The following KMT5A variants were observed in gnomAD, a reference collection of about 807,000 sequenced individuals.
The protein encoded by KMT5A is lysine methyltransferase 5A.
Under a neutral mutation model 40.6 loss-of-function variants are expected in KMT5A, and 6 were observed. The ratio of observed to expected loss-of-function variants is 0.15; its 90% CI spans 0.08 to 0.29. The LOEUF (loss-of-function observed/expected upper bound fraction) is 0.29, where lower values mean the gene tolerates loss of function less well. KMT5A is among the 10% of genes least tolerant of loss of function. KMT5A has a pLI of 1.00. For missense variants in KMT5A, 308 were observed against 459.1 expected (o/e 0.67, Z 3.01); for synonymous variants, 153 against 178.8 (o/e 0.86, Z 1.15).
chr12:123,402,180 C>A lies in KMT5A; in HGVS notation c.598-1393C>A, dbSNP rs545076056. 2.0e-5 allele frequency among the ~76,000 whole-genome samples: 3 copies of A among 152,318 alleles called. No homozygotes were observed. The South Asian group carries it at 6.2e-4, about 32-fold the overall frequency. On this transcript the variant is annotated intron_variant, in intron 5 of 7. Transcript: ENST00000402868. ...TACAGGAGAGAGCCACTGCCCCTGG[C>A]CTCATTTACATTTTAAAAGACCCCT...
chr12:123,396,268 G>A, intron 4 of KMT5A, 77 bp from the exon 5 acceptor site: 2 of 1,366,336 alleles, frequency 1.5e-6, no homozygotes, highest in Non-Finnish European at 2.1e-6. Flanking sequence ...CCTCCTCGGT[G>A]TGTGCCTTCT....
chr12:123,407,006 G>A (rs182062264), intron 7 of KMT5A, among the ~76,000 whole-genome samples: 268 of 101,490 alleles, frequency 2.6e-3, no homozygotes, highest in Middle Eastern at 9.8e-3. Context: ...ACAGAGCGAC[G>A]AGACTCCCTC....
Position 123,384,258 on chromosome 12 carries a change from T to TGGAGGGGTTGCCGGGGTGGAG in KMT5A, c.10+52_10+72dup, listed in dbSNP as rs1233554164. On this transcript the variant is annotated intron_variant, in intron 1 of 7. Transcript: ENST00000402868. This position sits in a 1 kb window ranked among gnomAD's most constrained non-coding sequence, Gnocchi z 5.7. ...GGAGCGGCTGGGTCGGGGGTCGTGC[T>TGGAGGGGTTGCCGGGGTGGAG]GGAGGGGTTGCCGGGGTGGAGGCAG... 2 of 1,606,504 alleles carry TGGAGGGGTTGCCGGGGTGGAG rather than the reference T, an allele frequency of 1.2e-6. No individual in the cohort carries two copies. The highest frequency in any genetic ancestry group is 2.7e-5 in the African/African-American group (2 of 74,692).
intron 5 of KMT5A, among the ~76,000 whole-genome samples, chr12:123,397,915 C>T (rs147935170): frequency 0.032 from 4,842 of 151,252 alleles, 132 homozygotes; most frequent in Non-Finnish European, 0.051. Flanking sequence ...TCGGGTGATC[C>T]GCCCACCTCA....
chr12:123,407,342 AG>A, intron 7 of KMT5A, 150 bp from the exon 8 acceptor site: 1 of 829,020 alleles, frequency 1.2e-6, no homozygotes, highest in Non-Finnish European at 1.9e-6. Context: ...CCCTCTAAAA[AG>A]GAAAAAGAAA....
chr12:123,396,530 C>A, intron 5 of KMT5A, 98 bp downstream of exon 5: 1 of 1,158,146 alleles, frequency 8.6e-7, no homozygotes, highest in Non-Finnish European at 1.3e-6. Flanking sequence ...GCCTTGTTTT[C>A]GTCATCTTGG....
rs764854788 is a variant in KMT5A at position 123,395,130 on chromosome 12, G to C, written c.373G>C (p.Val125Leu). The C allele has an allele frequency of 6.2e-7, 1 of 1,607,726 alleles. No individual in the cohort carries two copies. Among genetic ancestry groups the C allele is most frequent in the Non-Finnish European group, 8.5e-7 (1 of 1,176,976 alleles). ...KIKDARKGPL[V>L]PFPNQKSEAA... ...CAAAGACGCCAGGAAAGGTCCCCTGGTACCTTTTCCAAACCAAAAATCTGA... is the reference window on the plus strand; with the variant it reads ...CAAAGACGCCAGGAAAGGTCCCCTGCTACCTTTTCCAAACCAAAAATCTGA... Residue 125 changes from valine to leucine, a missense_variant, in exon 4 of 8, where the codon GTA becomes CTA. Around this residue, in one of 4 missense-constraint regions of KMT5A, gnomAD observed 127 missense variants for 129.8 expected, o/e 0.98. Transcript: ENST00000402868.
At chr12:123,404,331 G>A (rs114613486) in intron 6 of KMT5A, among the ~76,000 whole-genome samples, 60 of 152,218 alleles carry the variant, frequency 3.9e-4, no homozygotes, top group African/African-American at 1.3e-3. Context: ...GGGGGATTCC[G>A]GCTTAAGTCC....
intron 1 of KMT5A, among the ~76,000 whole-genome samples, chr12:123,386,509 C>G (rs1210384057): frequency 6.6e-6 from 1 of 152,166 alleles, no homozygotes; most frequent in Non-Finnish European, 1.5e-5. Context: ...AGCCACCACG[C>G]CTGGCCAATA....
At chr12:123,388,299 C>A (rs963429103) in intron 1 of KMT5A, 1 of 152,278 alleles carries the variant, frequency 6.6e-6, no homozygotes. Context: ...AGAACTTGGC[C>A]AAGCTCCTCA....
intron 3 of KMT5A, 136 bp downstream of exon 3, chr12:123,390,922 TTGC>T (rs1215391733): frequency 1.0e-5 from 11 of 1,068,830 alleles, no homozygotes; most frequent in Non-Finnish European, 1.3e-5. Flanking sequence ...ATGTTCTGTC[TTGC>T]TGCTGAAAGA....
chr12:123,403,096 G>T (rs1593473160), intron 5 of KMT5A, among the ~76,000 whole-genome samples: 1 of 152,198 alleles, frequency 6.6e-6, no homozygotes, highest in East Asian at 1.9e-4. Context: ...AATAGAGACA[G>T]GGTTTTACCT....
chr12:123,406,568 C>A (rs1303841886), intron 7 of KMT5A, among the ~76,000 whole-genome samples: 2 of 152,142 alleles, frequency 1.3e-5, no homozygotes, highest in African/African-American at 2.4e-5. Flanking sequence ...CCCGCCTCAG[C>A]CTCCGAAAGT....
intron 2 of KMT5A, 123 bp downstream of exon 2, chr12:123,389,677 G>C: frequency 1.4e-6 from 1 of 691,630 alleles, no homozygotes; most frequent in African/African-American, 1.9e-5. Flanking sequence ...CTGCCGCCTG[G>C]CTGGGAGTGG....
At chr12:123,387,096 A>G (rs1385694459) in intron 1 of KMT5A, among the ~76,000 whole-genome samples, 1 of 152,110 alleles carries the variant, frequency 6.6e-6, no homozygotes, top group Non-Finnish European at 1.5e-5. Flanking sequence ...ATTTCAGGTG[A>G]TTTGCCCTCC....
At chr12:123,388,136 G>A (rs1876982493) in intron 1 of KMT5A, among the ~76,000 whole-genome samples, 1 of 152,194 alleles carries the variant, frequency 6.6e-6, no homozygotes, top group African/African-American at 2.4e-5. Context: ...TTCTCACGGC[G>A]GGATAGGAGA....
At chr12:123,401,917 C>G (rs1329193898) in intron 5 of KMT5A, among the ~76,000 whole-genome samples, 2 of 152,168 alleles carry the variant, frequency 1.3e-5, no homozygotes, top group African/African-American at 4.8e-5. Flanking sequence ...GGGTCTCACT[C>G]TGTTGCCCAG....
chr12:123,395,365 C>G, intron 4 of KMT5A, 99 bp downstream of exon 4: 3 of 1,113,638 alleles, frequency 2.7e-6, no homozygotes, highest in Non-Finnish European at 2.6e-6. Flanking sequence ...CAGTGGCCAC[C>G]TCTCAGCCTC....
At chr12:123,390,022 C>T (rs1368958527) in intron 2 of KMT5A, 7 of 464,466 alleles carry the variant, frequency 1.5e-5, no homozygotes, top group East Asian at 6.9e-5. Context: ...CCAGGTGCGG[C>T]TTGCGACAAA....
Sources: gnomAD v4.1 joint callset for allele counts (sites outside exome capture counted in the v4.1 genomes callset) on GRCh38, gnomAD v4.1.1 for gene constraint, gnomAD v4.1.1 regional missense constraint, Gnocchi (gnomAD v3.1) non-coding constraint, MANE v1.5 for transcripts, NCBI Gene and HGNC (gene_info 2026-07-23, HGNC 2026-07-21) for gene names.